USP32: variants seen among roughly 807,000 people sequenced by gnomAD.
The protein encoded by USP32 is ubiquitin specific peptidase 32, also known as ubiquitin carboxyl-terminal hydrolase 32.
In USP32, 59 loss-of-function variants were observed where a neutral mutation model predicts 204.8. The ratio of observed to expected loss-of-function variants is 0.29; its 90% CI spans 0.23 to 0.36. The LOEUF (loss-of-function observed/expected upper bound fraction) is 0.36, where lower values mean the gene tolerates loss of function less well. Ranked by LOEUF, USP32 falls within the 10% of genes least tolerant of loss-of-function variation. The pLI is 1.00. For synonymous variants in USP32, 517 were observed against 678.4 expected (o/e 0.76, Z 3.70); for missense variants, 1,160 against 1,946.4 (o/e 0.60, Z 7.60).
chr17:60,232,207 C>T (rs138545844), intron 12 of USP32, among the ~76,000 whole-genome samples: 1 of 124,790 alleles, frequency 8.0e-6, no homozygotes, highest in African/African-American at 3.1e-5. Context: ...GAGTCTCACT[C>T]TGTCATCCAG....
At chr17:60,329,834 C>T (rs2088337066) in intron 2 of USP32, among the ~76,000 whole-genome samples, 1 of 152,178 alleles carries the variant, frequency 6.6e-6, no homozygotes, top group African/African-American at 2.4e-5. Flanking sequence ...AGAATACCAA[C>T]TCCTGCGACT....
intron 1 of USP32, among the ~76,000 whole-genome samples, chr17:60,378,207 A>C (rs1361941141): frequency 1.3e-5 from 2 of 152,204 alleles, no homozygotes; most frequent in Non-Finnish European, 2.9e-5. Context: ...GCTCATTAGC[A>C]CTAGCCATTA....
intron 9 of USP32, among the ~76,000 whole-genome samples, chr17:60,255,761 T>C (rs997867269): frequency 1.2e-4 from 19 of 152,354 alleles, no homozygotes; most frequent in African/African-American, 4.6e-4. Flanking sequence ...TAATCATATA[T>C]GGTTGGTAAA....
intron 9 of USP32, among the ~76,000 whole-genome samples, chr17:60,256,358 C>T (rs1231071505): frequency 2.0e-5 from 3 of 152,138 alleles, no homozygotes; most frequent in East Asian, 3.8e-4. Context: ...ATCACAGAAT[C>T]TTTCTTATCA....
upstream of USP32, among the ~76,000 whole-genome samples, chr17:60,393,914 C>T (rs1283467492): frequency 6.6e-6 from 1 of 152,100 alleles, no homozygotes; most frequent in Non-Finnish European, 1.5e-5. Flanking sequence ...GAACTCGCAA[C>T]CTCAGATGAT....
chr17:60,250,193 T>G (rs2086132099), intron 11 of USP32, among the ~76,000 whole-genome samples: 1 of 152,212 alleles, frequency 6.6e-6, no homozygotes, highest in Non-Finnish European at 1.5e-5. Context: ...TCTATAAATC[T>G]TGGTTTCCAC....
At chr17:60,385,112 G>T (rs1282949272) in intron 1 of USP32, among the ~76,000 whole-genome samples, 1 of 152,204 alleles carries the variant, frequency 6.6e-6, no homozygotes, top group Admixed American at 6.5e-5. Context: ...TTCCACCATT[G>T]TGATTTATTC....
In USP32 at chr17:60,413,873, AAAG is replaced by A. The variant is rs1180151963; in HGVS notation, c.106+8370_106+8372del. 5.3e-4 allele frequency among the ~76,000 whole-genome samples: 78 copies of A among 146,978 alleles called. 2 individuals are homozygous for A. The highest frequency in any genetic ancestry group is 1.8e-3 in the African/African-American group (71 of 38,618). On this transcript the variant is annotated intron_variant, in intron 1 of 3. Coordinates refer to the USP32 transcript ENST00000588898. Reference sequence around the variant, plus strand: ...CTAGATTCTGTCTCAAAAAAAAAAAAAAGAAAAAAAAAAAAAAAAAAAGAATGT... The same window carrying A: ...CTAGATTCTGTCTCAAAAAAAAAAAAAAAAAAAAAAAAAAAAAAAGAATGT...
chr17:60,336,920 G>A (rs900174856), intron 2 of USP32, among the ~76,000 whole-genome samples: 5 of 152,010 alleles, frequency 3.3e-5, no homozygotes, highest in Non-Finnish European at 5.9e-5. Context: ...AAGATATACC[G>A]TAACAAAAAT....
At chr17:60,261,289 AT>A (rs2086445435) in intron 9 of USP32, among the ~76,000 whole-genome samples, 2 of 152,222 alleles carry the variant, frequency 1.3e-5, no homozygotes, top group Admixed American at 6.5e-5. Context: ...AATAACTTCT[AT>A]TAATTTTATT....
intron 11 of USP32, among the ~76,000 whole-genome samples, chr17:60,237,304 A>ATT (rs34988306): frequency 3.1e-4 from 41 of 131,006 alleles, no homozygotes; most frequent in South Asian, 1.7e-3. Context: ...TGCCCAGCTA[A>ATT]TTTTTTTTTT....
At chr17:60,412,781 C>G (rs2090028932) in intron 1 of USP32, among the ~76,000 whole-genome samples, 1 of 152,060 alleles carries the variant, frequency 6.6e-6, no homozygotes, top group South Asian at 2.1e-4. Flanking sequence ...CAAAATCATT[C>G]CCAGCTCCAA....
chr17:60,334,225 TGC>T, intron 2 of USP32, among the ~76,000 whole-genome samples: 1 of 152,188 alleles, frequency 6.6e-6, no homozygotes, highest in African/African-American at 2.4e-5. Context: ...GGTTTAATAT[TGC>T]ATTTTCTGTT....
At chr17:60,245,596 T>G (rs1285251931) in intron 11 of USP32, 1 of 318,688 alleles carries the variant, frequency 3.1e-6, no homozygotes, top group Non-Finnish European at 6.0e-6. Flanking sequence ...ATGAAATTCT[T>G]GGTTCTCTTT....
intron 12 of USP32, among the ~76,000 whole-genome samples, chr17:60,231,141 AT>A (rs2085536925): frequency 6.6e-6 from 1 of 152,294 alleles, no homozygotes; most frequent in South Asian, 2.1e-4. Flanking sequence ...AGATTTTAGG[AT>A]TCCCTGTGAG....
intron 10 of USP32, among the ~76,000 whole-genome samples, chr17:60,252,721 C>T (rs759531107): frequency 2.2e-4 from 33 of 152,172 alleles, no homozygotes; most frequent in Non-Finnish European, 3.5e-4. Context: ...AAGACATTAC[C>T]TCAGGAACAG....
intron 11 of USP32, among the ~76,000 whole-genome samples, chr17:60,244,016 G>A (rs1567797446): frequency 1.4e-5 from 2 of 144,644 alleles, no homozygotes; most frequent in Admixed American, 6.8e-5. Flanking sequence ...TGAATCTCAA[G>A]TAGCTGGATT....
intron 27 of USP32, among the ~76,000 whole-genome samples, chr17:60,194,969 CAT>C (rs2084475471): frequency 6.6e-6 from 1 of 152,160 alleles, no homozygotes; most frequent in Admixed American, 6.5e-5. Flanking sequence ...AATTTATTGA[CAT>C]AAACACTCAA....
At position 60,387,952 on chromosome 17, in the gene USP32, C is replaced by G. The variant is rs115186291; in HGVS notation, c.58+3930G>C. 9.2e-5 allele frequency among the ~76,000 whole-genome samples: 14 copies of G among 152,066 alleles called. No homozygotes were observed. The South Asian group carries it at 1.2e-3, about 13-fold the overall frequency. ...TGAACGCATATAGCTTCTGCACCAT[C>G]GTAAAGTTAAATTGTAAGTCGGGGA... On this transcript the variant is annotated intron_variant, in intron 1 of 33. Coordinates refer to ENST00000300896, the MANE Select transcript of USP32 (RefSeq NM_032582.4).
Sources: allele counts gnomAD v4.1 joint callset (sites outside exome capture counted in the v4.1 genomes callset), GRCh38; gene constraint gnomAD v4.1.1; transcripts MANE v1.5; gene names NCBI Gene and HGNC (gene_info 2026-07-23, HGNC 2026-07-21).